The following ALDH5A1 variants were observed in gnomAD, a reference collection of about 807,000 sequenced individuals.
ALDH5A1 encodes the protein aldehyde dehydrogenase 5 family member A1, also known as succinate-semialdehyde dehydrogenase, mitochondrial.
A neutral mutation model predicts 54.7 loss-of-function variants in ALDH5A1; 33 were observed. The ratio of observed to expected loss-of-function variants is 0.60; its 90% CI spans 0.46 to 0.81. The LOEUF is 0.81. Ranked by LOEUF, ALDH5A1 falls within the 30% of genes least tolerant of loss-of-function variation. ALDH5A1 has a pLI of 0.00. For synonymous variants in ALDH5A1, 294 were observed against 292.7 expected (o/e 1.00, Z -0.05); for missense variants, 657 against 711.0 (o/e 0.92, Z 0.86).
At position 24,528,021 on chromosome 6, in the gene ALDH5A1, G is replaced by A. The variant is rs147358733; in HGVS notation, c.1198G>A (p.Val400Ile). ...EKVEKQVNDA[V>I]SKGATVVTGG... ...GGTGGAGAAACAGGTGAATGATGCC[G>A]TTTCTAAAGGTGCCACCGTTGTGAC... The change falls in exon 8 of 10, where the codon GTT becomes ATT. Residue 400 changes from valine (V) to isoleucine (I), a missense_variant. Transcript: ENST00000357578. 1.8e-4 allele frequency: 288 copies of A among 1,614,026 alleles called. 1 individual carries two copies. The African/African-American group carries it at 3.3e-3, about 18-fold the overall frequency.
In ALDH5A1 at chr6:24,509,708, C is replaced by G. The variant is rs139881386; in HGVS notation, c.726+4723C>G. ...CTAATTGAGATTATTTGGATTTTCT[C>G]TCTTCTCTTCTAATGGTCTATCAAT... On this transcript the variant is annotated intron_variant, in intron 4 of 9. Coordinates refer to ENST00000357578, the MANE Select transcript of ALDH5A1 (RefSeq NM_001080.3). The surrounding 1 kb of genome is among the most constrained non-coding windows in gnomAD (Gnocchi z 4.7). 6.6e-6 allele frequency among the ~76,000 whole-genome samples: 1 copy of G among 151,994 alleles called. No homozygotes were observed. Among genetic ancestry groups the G allele is most frequent in the Middle Eastern group, 3.2e-3 (1 of 316 alleles).
intron 8 of ALDH5A1, among the ~76,000 whole-genome samples, chr6:24,531,227 A>T (rs1759930518): frequency 2.0e-5 from 3 of 152,126 alleles, no homozygotes; most frequent in South Asian, 4.1e-4. Flanking sequence ...GTTTATTTTT[A>T]TTCCACTGTT....
At chr6:24,526,878 A>ATATATATATATCTTC (rs1759808930) in intron 7 of ALDH5A1, among the ~76,000 whole-genome samples, 4 of 86,794 alleles carry the variant, frequency 4.6e-5, no homozygotes, top group African/African-American at 1.1e-4. Flanking sequence ...TATATCTTCT[A>ATATATATATATCTTC]TATATATATT....
intron 7 of ALDH5A1, among the ~76,000 whole-genome samples, chr6:24,525,526 T>G (rs1170226742): frequency 6.8e-6 from 1 of 147,704 alleles, no homozygotes; most frequent in African/African-American, 2.5e-5. Flanking sequence ...AGTGAAACCC[T>G]ATCTCTAAAA....
chr6:24,504,748 C>G (rs1759304512), intron 3 of ALDH5A1, 121 bp from the exon 4 acceptor site: 7 of 1,006,260 alleles, frequency 7.0e-6, no homozygotes, highest in Middle Eastern at 2.5e-4. Context: ...CCTGTGCAGC[C>G]AAACGGGTTT....
At chr6:24,530,965 C>T (rs568690627) in intron 8 of ALDH5A1, among the ~76,000 whole-genome samples, 1 of 152,234 alleles carries the variant, frequency 6.6e-6, no homozygotes, top group African/African-American at 2.4e-5. Flanking sequence ...GTGAGGCCAT[C>T]ATTCTCCCCC....
rs912200724 is a variant in ALDH5A1, at chr6:24,518,393, G to C, written c.871-2008G>C. ...CTTCCTGGAGAAGCAGAGACTGAGT[G>C]GGGAGAGGACACTGTCAGAGGACAC... On this transcript the variant is annotated intron_variant, in intron 5 of 9. Transcript: ENST00000357578. This position sits in a 1 kb window ranked among gnomAD's most constrained non-coding sequence, Gnocchi z 4.2. Among the ~76,000 whole-genome samples, 1 of 152,140 alleles carries C rather than the reference G, an allele frequency of 6.6e-6. No homozygotes were observed. The highest frequency in any genetic ancestry group is 1.5e-5 in the Non-Finnish European group (1 of 68,016).
chr6:24,507,911 T>C (rs2127383813), intron 4 of ALDH5A1, among the ~76,000 whole-genome samples: 1 of 152,210 alleles, frequency 6.6e-6, no homozygotes, highest in South Asian at 2.1e-4. Flanking sequence ...GCACACAATT[T>C]GTAGTCTTTT....
In ALDH5A1 at chr6:24,495,112, C is replaced by G. The variant is rs1251540347; in HGVS notation, c.116C>G (p.Pro39Arg). The G allele has an allele frequency of 2.3e-6, 3 of 1,310,908 alleles. No homozygotes were observed. The African/African-American group carries it at 4.6e-5, about 20-fold the overall frequency. The allele number at this position is 1,310,908 out of a possible 1,614,324, so 81.2% of individuals were successfully genotyped here. ...CTGGTCCCTGCCTCCGGGCCTGCGCCCGGCCCGGCCCAGCTCCGCTGCTAC... is the reference window on the plus strand; with the variant it reads ...CTGGTCCCTGCCTCCGGGCCTGCGCGCGGCCCGGCCCAGCTCCGCTGCTAC... ...GGLVPASGPAPGPAQLRCYAG... is the reference protein window; with the variant it reads ...GGLVPASGPARGPAQLRCYAG... Residue 39 changes from proline to arginine, a missense_variant, in exon 1 of 10, where the codon CCC becomes CGC. Physicochemically the swap from Pro to Arg is moderately radical, Grantham distance 103. Coordinates refer to ENST00000357578, the MANE Select transcript of ALDH5A1 (RefSeq NM_001080.3).
At chr6:24,531,252 T>C (rs890131993) in intron 8 of ALDH5A1, among the ~76,000 whole-genome samples, 9 of 152,260 alleles carry the variant, frequency 5.9e-5, no homozygotes, top group Non-Finnish European at 8.8e-5. Context: ...AAATGGACCC[T>C]TGAAGAACTT....
At chr6:24,511,841 A>G in intron 4 of ALDH5A1, 3 of 551,318 alleles carry the variant, frequency 5.4e-6, no homozygotes, top group Non-Finnish European at 6.5e-6. Context: ...TAAATCAGGG[A>G]TTTCTTCTTG....
In ALDH5A1 at chr6:24,534,071, A is replaced by AT; in HGVS notation, c.*360dup. ...TCACTGCCTGGGCAGTGGCACAACCATCCCCCATGTCGCTACAGAACATGG... is the reference window on the plus strand; with the variant it reads ...TCACTGCCTGGGCAGTGGCACAACCATTCCCCCATGTCGCTACAGAACATGG... On this transcript the variant is annotated 3_prime_UTR_variant, in exon 10 of 10. Coordinates refer to ENST00000357578, the MANE Select transcript of ALDH5A1 (RefSeq NM_001080.3). 1 of 287,310 alleles carries AT rather than the reference A, an allele frequency of 3.5e-6. No individual in the cohort carries two copies. The highest frequency in any genetic ancestry group is 6.7e-6 in the Non-Finnish European group (1 of 148,502). The allele number at this position is 287,310 out of a possible 1,614,324, so 17.8% of individuals were successfully genotyped here.
chr6:24,531,818 CT>C (rs892839940), intron 8 of ALDH5A1, among the ~76,000 whole-genome samples: 10 of 151,326 alleles, frequency 6.6e-5, no homozygotes, highest in Middle Eastern at 3.4e-3. Flanking sequence ...AATAGTAATC[CT>C]TTTTTTTTAA....
In ALDH5A1 at chr6:24,533,519, C is replaced by T. The variant is rs749426695; in HGVS notation, c.1415C>T (p.Ser472Phe). 1.2e-6 allele frequency: 2 copies of T among 1,614,092 alleles called. No individual in the cohort carries two copies. The highest frequency in any genetic ancestry group is 2.2e-5 in the South Asian group (2 of 91,066). The change falls in exon 10 of 10, where the codon TCT becomes TTT. Residue 472 changes from serine to phenylalanine, a missense_variant. By Grantham distance (155) the Ser-to-Phe change is radical (BLOSUM62 -2). Around this residue, in one of 2 missense-constraint regions of ALDH5A1, gnomAD observed 425 missense variants for 516.4 expected, o/e 0.82. Coordinates refer to ENST00000357578, the MANE Select transcript of ALDH5A1 (RefSeq NM_001080.3). ...ADVGLAGYFY[S>F]QDPAQIWRVA... ...TATCCTGTGACAGGTTATTTTTACT[C>T]TCAAGACCCAGCCCAGATCTGGAGA...
At chr6:24,520,274 CAA>C (rs1471453912) in intron 5 of ALDH5A1, 125 bp from the exon 6 acceptor site, 261 of 1,054,204 alleles carry the variant, frequency 2.5e-4, no homozygotes, top group Non-Finnish European at 2.7e-4. Context: ...TTTTCTTATG[CAA>C]AGTTATCCCA....
In ALDH5A1 at chr6:24,495,031, C is replaced by T; in HGVS notation, c.35C>T (p.Ala12Val). 1 of 1,348,708 alleles carries T rather than the reference C, an allele frequency of 7.4e-7. No homozygotes were observed. 83.5% of individuals were successfully genotyped at this position (1,348,708 alleles called of 1,614,324 possible). A position where few individuals can be genotyped will look rare whatever the true frequency, so the allele number is the denominator to read the frequency against. ...ATCIWLRSCG[A>V]RRLGSTFPGC... ...TGCATTTGGCTGCGGAGCTGTGGGGCCCGGCGCCTCGGGTCGACGTTTCCA... is the reference window on the plus strand; with the variant it reads ...TGCATTTGGCTGCGGAGCTGTGGGGTCCGGCGCCTCGGGTCGACGTTTCCA... The change falls in exon 1 of 10, where the codon GCC (alanine) becomes GTC (valine). Residue 12 changes from alanine to valine, a missense_variant. Ala to Val is a moderately conservative substitution (Grantham distance 64). Transcript: ENST00000357578.
Position 24,522,875 on chromosome 6 carries a change from G to A in ALDH5A1, c.1123G>A (p.Glu375Lys), listed in dbSNP as rs1228789318. The change falls in exon 7 of 10, where the codon GAG becomes AAG. Residue 375 changes from glutamate to lysine, a missense_variant. By Grantham distance (56) the Glu-to-Lys change is moderately conservative (BLOSUM62 1). Coordinates refer to ENST00000357578, the MANE Select transcript of ALDH5A1 (RefSeq NM_001080.3). ...KKNLRVGNGF[E>K]EGTTQGPLIN... Reference sequence around the variant, plus strand: ...GAACCTGCGCGTAGGTAATGGATTTGAGGAAGGAACTACTCAGGGCCCATT... The same window carrying A: ...GAACCTGCGCGTAGGTAATGGATTTAAGGAAGGAACTACTCAGGGCCCATT... The A allele has an allele frequency of 2.5e-6, 4 of 1,614,170 alleles. No homozygotes were observed. In the South Asian group the frequency reaches 4.4e-5, roughly 18 times the overall value.
intron 7 of ALDH5A1, among the ~76,000 whole-genome samples, chr6:24,524,587 C>A (rs1415177507): frequency 6.6e-6 from 1 of 152,194 alleles, no homozygotes; most frequent in Non-Finnish European, 1.5e-5. Flanking sequence ...TTGGGAAACC[C>A]AGGGAAGCCT....
Position 24,534,933 on chromosome 6 carries a change from C to A in ALDH5A1, c.*1221C>A. 6.6e-6 allele frequency: 1 copy of A among 152,348 alleles called. No homozygotes were observed. Among genetic ancestry groups the A allele is most frequent in the Non-Finnish European group, 1.5e-5 (1 of 68,038 alleles). The allele number at this position is 152,348 out of a possible 1,614,324, so 9.4% of individuals were successfully genotyped here. ...GGCATGAGCCCTTGAATTTCAGGCA[C>A]CTTTTATCTAATGAGAGTTTTTACA... On this transcript the variant is annotated 3_prime_UTR_variant, in exon 10 of 10. Transcript: ENST00000357578.
Sources: allele counts gnomAD v4.1 joint callset (sites outside exome capture counted in the v4.1 genomes callset), GRCh38; gene constraint gnomAD v4.1.1; regional missense constraint gnomAD v4.1.1; non-coding constraint Gnocchi (gnomAD v3.1); transcripts MANE v1.5; gene names NCBI Gene and HGNC (gene_info 2026-07-23, HGNC 2026-07-21).